CD84: variants seen among roughly 807,000 people sequenced by gnomAD.
CD84 encodes the protein SLAM family member 5.
In CD84, 22 loss-of-function variants were observed where a neutral mutation model predicts 33.8. The observed-to-expected ratio is 0.65, with a 90% CI of 0.46 to 0.93. The LOEUF is 0.93. Ranked by LOEUF, CD84 falls within the 40% of genes least tolerant of loss-of-function variation. The pLI, the probability that CD84 is intolerant of heterozygous loss-of-function variation, is 0.00. For missense variants in CD84, 400 were observed against 397.6 expected (o/e 1.01, Z -0.05); for synonymous variants, 154 against 145.2 (o/e 1.06, Z -0.44).
intron 2 of CD84, among the ~76,000 whole-genome samples, chr1:160,561,884 G>A (rs1470188319): frequency 1.3e-5 from 2 of 152,072 alleles, no homozygotes; most frequent in Non-Finnish European, 2.9e-5. Flanking sequence ...CAAGCAGAGA[G>A]CCAAATAATT....
chr1:160,559,738 C>T (rs1007229993), intron 2 of CD84, among the ~76,000 whole-genome samples: 5 of 152,122 alleles, frequency 3.3e-5, no homozygotes, highest in African/African-American at 7.2e-5. Context: ...AGAGACCCAT[C>T]TCACATGCAA....
chr1:160,561,349 G>A (rs1656944886), intron 2 of CD84, among the ~76,000 whole-genome samples: 1 of 152,176 alleles, frequency 6.6e-6, no homozygotes, highest in South Asian at 2.1e-4. Context: ...TAGGATGCAA[G>A]TTTGGTTCAA....
At position 160,562,948 on chromosome 1, in the gene CD84, T is replaced by G. The variant is rs775950597; in HGVS notation, c.388+2456A>C. ...GGCAAAAACCATGAACAGACACTTC[T>G]CAAAAGAAGACATTCATGCAGCCAA... On this transcript the variant is annotated intron_variant, in intron 2 of 6. Transcript: ENST00000368054. Among the ~76,000 whole-genome samples the G allele has an allele frequency of 1.3e-4, 19 of 151,994 alleles. 1 individual carries two copies. Among genetic ancestry groups the G allele is most frequent in the Non-Finnish European group, 2.5e-4 (17 of 68,012 alleles).
intron 5 of CD84, among the ~76,000 whole-genome samples, chr1:160,550,368 T>G (rs998772962): frequency 6.6e-6 from 1 of 151,770 alleles, no homozygotes; most frequent in African/African-American, 2.4e-5. Context: ...CCTTGCAGAC[T>G]TTAAGGAGGC....
chr1:160,549,863 C>T (rs1053830453), intron 6 of CD84, 54 bp downstream of exon 6: 25 of 1,354,242 alleles, frequency 1.8e-5, no homozygotes, highest in Non-Finnish European at 2.5e-5. Flanking sequence ...CCGGGTGCAC[C>T]AGAATGGCTG....
chr1:160,579,256 GTTGA>G, intron 1 of CD84, 132 bp downstream of exon 1: 1 of 1,166,660 alleles, frequency 8.6e-7, no homozygotes, highest in Non-Finnish European at 1.2e-6. Flanking sequence ...GTTGGATCCT[GTTGA>G]GTACAGTAGA....
At chr1:160,559,505 A>T (rs1253307119) in intron 2 of CD84, among the ~76,000 whole-genome samples, 1 of 152,160 alleles carries the variant, frequency 6.6e-6, no homozygotes, top group Non-Finnish European at 1.5e-5. Flanking sequence ...AAGGGAAAAC[A>T]GGTACCAGCC....
rs962876260 is a variant in CD84 at position 160,542,586 on chromosome 1, A to C, written c.*5670T>G. The C allele has an allele frequency of 6.6e-6, 1 of 152,260 alleles. No homozygotes were observed. The highest frequency in any genetic ancestry group is 3.2e-3 in the Middle Eastern group (1 of 316). The allele number at this position is 152,260 out of a possible 1,614,324, so 9.4% of individuals were successfully genotyped here. On this transcript the variant is annotated 3_prime_UTR_variant, in exon 7 of 7. Transcript: ENST00000368054. ...TATTTGCCTACAATAAGAACTTATAAGAAAAATATTTCTCATTTGCAAAGA... is the reference window on the plus strand; with the variant it reads ...TATTTGCCTACAATAAGAACTTATACGAAAAATATTTCTCATTTGCAAAGA...
intron 1 of CD84, among the ~76,000 whole-genome samples, chr1:160,574,968 GA>G (rs1303276070): frequency 6.6e-6 from 1 of 152,102 alleles, no homozygotes; most frequent in Non-Finnish European, 1.5e-5. Context: ...ACTACGAAGG[GA>G]AAAATTAGAG....
At chr1:160,569,222 T>C (rs1014322906) in intron 1 of CD84, among the ~76,000 whole-genome samples, 1 of 152,188 alleles carries the variant, frequency 6.6e-6, no homozygotes. Flanking sequence ...AAGTAAAGCC[T>C]GGAGGGACAG....
chr1:160,562,764 T>G (rs1657066520), intron 2 of CD84, among the ~76,000 whole-genome samples: 1 of 152,030 alleles, frequency 6.6e-6, no homozygotes, highest in Non-Finnish European at 1.5e-5. Context: ...CAAAAGAAAC[T>G]ATCATCAGAG....
intron 4 of CD84, 171 bp from the exon 5 acceptor site, chr1:160,551,206 G>T: frequency 1.6e-6 from 1 of 612,920 alleles, no homozygotes; most frequent in Non-Finnish European, 2.9e-6. Flanking sequence ...GAGTCACTTG[G>T]CTGAGGCCTC....
rs111519292 is a variant in CD84, at chr1:160,563,344, C to T, written c.388+2060G>A. ...CACAATAGCTAAGATATGGAATCAACCCAAATGCCCATCAATGATAGATTG... is the reference window on the plus strand; with the variant it reads ...CACAATAGCTAAGATATGGAATCAATCCAAATGCCCATCAATGATAGATTG... On this transcript the variant is annotated intron_variant, in intron 2 of 6. Transcript: ENST00000368054. Among the ~76,000 whole-genome samples the T allele has an allele frequency of 9.0e-4, 137 of 152,226 alleles. 2 individuals are homozygous for T. The East Asian group carries it at 0.022, about 24-fold the overall frequency.
chr1:160,566,902 T>C (rs936019798), intron 1 of CD84, among the ~76,000 whole-genome samples: 1 of 152,226 alleles, frequency 6.6e-6, no homozygotes, highest in Non-Finnish European at 1.5e-5. Flanking sequence ...ATATATAGTT[T>C]GTAAAATGAG....
intron 1 of CD84, among the ~76,000 whole-genome samples, chr1:160,575,019 T>TTAA (rs1189958000): frequency 3.3e-5 from 5 of 152,098 alleles, no homozygotes; most frequent in Non-Finnish European, 5.9e-5. Flanking sequence ...CAAGTAGCTA[T>TTAA]TAATAAGAGT....
At chr1:160,563,163 C>G (rs1400543368) in intron 2 of CD84, among the ~76,000 whole-genome samples, 1 of 151,956 alleles carries the variant, frequency 6.6e-6, no homozygotes, top group Non-Finnish European at 1.5e-5. Flanking sequence ...TTAGTTAATT[C>G]CAACCATTGT....
At chr1:160,574,745 C>G (rs1176353254) in intron 1 of CD84, among the ~76,000 whole-genome samples, 1 of 152,098 alleles carries the variant, frequency 6.6e-6, no homozygotes, top group Non-Finnish European at 1.5e-5. Context: ...CTCTGTGCCT[C>G]AGTTTCCTCA....
At position 160,548,164 on chromosome 1, in the gene CD84, T is replaced by G; in HGVS notation, c.*92A>C. The G allele has an allele frequency of 1.5e-6, 2 of 1,346,590 alleles. No homozygotes were observed. The allele number at this position is 1,346,590 out of a possible 1,614,324, so 83.4% of individuals were successfully genotyped here. A position where few individuals can be genotyped will look rare whatever the true frequency, so the allele number is the denominator to read the frequency against. On this transcript the variant is annotated 3_prime_UTR_variant, in exon 7 of 7. Coordinates refer to ENST00000368054, the MANE Select transcript of CD84 (RefSeq NM_003874.4). The stretch of plus-strand genomic sequence containing the variant: ...GATGTGGCAGTTTGCAATCTCCCAG[T>G]AAGAGTTGGGCAGAGAAGATCTGGA...
chr1:160,550,695 C>T lies in CD84; in HGVS notation c.858+243G>A, dbSNP rs573425714. 34 of 985,332 alleles carry T rather than the reference C, an allele frequency of 3.5e-5. No individual in the cohort carries two copies. In the African/African-American group the frequency reaches 5.2e-4, roughly 15 times the overall value. The allele number at this position is 985,332 out of a possible 1,614,324, so 61.0% of individuals were successfully genotyped here. A position where few individuals can be genotyped will look rare whatever the true frequency, so the allele number is the denominator to read the frequency against. On this transcript the variant is annotated intron_variant, in intron 5 of 6. Transcript: ENST00000368054. ...TGGCTCATCTAACCTGGAGCCGGGC[C>T]CACTGTGGGACACTCAGTGCCTCAG... is the stretch of plus-strand genomic sequence containing the variant.
Sources: allele counts gnomAD v4.1 joint callset (sites outside exome capture counted in the v4.1 genomes callset), GRCh38; gene constraint gnomAD v4.1.1; transcripts MANE v1.5; gene names NCBI Gene and HGNC (gene_info 2026-07-23, HGNC 2026-07-21).